Variants in RAI14 observed in about 807,000 individuals in gnomAD.
The protein encoded by RAI14 is ankycorbin.
In RAI14, 45 loss-of-function variants were observed where a neutral mutation model predicts 115.4. That is an observed-to-expected ratio of 0.39 (90% CI 0.31 to 0.50). RAI14 has a LOEUF of 0.50. Among genes scored for constraint, RAI14 ranks in the 20% least tolerant of loss-of-function variants. The probability of loss-of-function intolerance (pLI) is 0.85; values close to 1 mark genes in which losing one functional copy is unlikely to be tolerated. For missense variants in RAI14, 939 were observed against 1,131.2 expected (o/e 0.83, Z 2.44); for synonymous variants, 371 against 415.4 (o/e 0.89, Z 1.30).
At chr5:34,660,645 G>A (rs967430917) in intron 1 of RAI14, among the ~76,000 whole-genome samples, 46 of 152,102 alleles carry the variant, frequency 3.0e-4, no homozygotes, top group Non-Finnish European at 2.9e-4. Context: ...GCACATTCCT[G>A]TTCTAAGAGT....
chr5:34,779,164 A>C (rs901491982), intron 3 of RAI14, among the ~76,000 whole-genome samples: 7 of 152,236 alleles, frequency 4.6e-5, no homozygotes, highest in Non-Finnish European at 8.8e-5. Flanking sequence ...CCTTTGAAAA[A>C]ATCAACAGCC....
intron 2 of RAI14, among the ~76,000 whole-genome samples, chr5:34,701,635 A>G (rs372423021): frequency 2.0e-5 from 3 of 152,280 alleles, no homozygotes; most frequent in East Asian, 3.9e-4. Context: ...AAACTGATGT[A>G]TTTCTTAAAT....
At chr5:34,806,493 G>A (rs1045493752) in intron 5 of RAI14, among the ~76,000 whole-genome samples, 2 of 152,164 alleles carry the variant, frequency 1.3e-5, no homozygotes, top group African/African-American at 4.8e-5. Context: ...GTGAGAAGAC[G>A]CTGTCCTAGA....
chr5:34,796,302 A>T (rs180845984), intron 4 of RAI14, among the ~76,000 whole-genome samples: 1 of 152,056 alleles, frequency 6.6e-6, no homozygotes, highest in East Asian at 1.9e-4. Context: ...GGAGGCTGAG[A>T]CATGAGAATC....
intron 3 of RAI14, among the ~76,000 whole-genome samples, chr5:34,782,815 T>C (rs1751828761): frequency 6.6e-6 from 1 of 152,198 alleles, no homozygotes; most frequent in African/African-American, 2.4e-5. Flanking sequence ...ACACACAGAC[T>C]GAGAGGTGCA....
rs1554012471 is a variant in RAI14, at chr5:34,822,250, G to GTATGTA, written c.1113+403_1113+404insGTATAT. ...TTAAATTATATATGTATGTGTGTATGTATATATATATATATATATATATAA... is the reference window on the plus strand; with the variant it reads ...TTAAATTATATATGTATGTGTGTATGTATGTATATATATATATATATATATATATAA... On this transcript the variant is annotated intron_variant, in intron 14 of 17. Transcript: ENST00000265109. Among the ~76,000 whole-genome samples the GTATGTA allele has an allele frequency of 2.5e-3, 332 of 134,724 alleles. 2 individuals carry two copies. Among genetic ancestry groups the GTATGTA allele is most frequent in the Non-Finnish European group, 4.3e-3 (274 of 63,884 alleles). 88.4% of individuals were successfully genotyped at this position (134,724 alleles called of 152,430 possible).
At position 34,680,328 on chromosome 5, in the gene RAI14, A is replaced by G. The variant is rs79305430; in HGVS notation, c.-48-6544A>G. 6.8e-3 allele frequency among the ~76,000 whole-genome samples: 1,030 copies of G among 152,310 alleles called. 24 individuals are homozygous for G. The East Asian group carries it at 0.071, about 10-fold the overall frequency. On this transcript the variant is annotated intron_variant, in intron 1 of 17. Transcript: ENST00000265109. ...TCTGGAGTTTGGGAAGCCCAAGGAC[A>G]TGGTGCTGGTCCCTAGCAAGGGACA...
chr5:34,795,901 A>G (rs1753465667), intron 3 of RAI14, 38 bp from the exon 4 acceptor site: 10 of 1,533,966 alleles, frequency 6.5e-6, no homozygotes, highest in Non-Finnish European at 9.0e-6. Flanking sequence ...ATTAAAGAGT[A>G]GAAATCTCAA....
chr5:34,675,676 A>G (rs1291241340), intron 1 of RAI14, among the ~76,000 whole-genome samples: 1 of 152,020 alleles, frequency 6.6e-6, no homozygotes, highest in Admixed American at 6.6e-5. Flanking sequence ...ACTTGAGCCC[A>G]GGAGTTTGAG....
chr5:34,828,140 T>C (rs913150142), intron 16 of RAI14, among the ~76,000 whole-genome samples: 1 of 152,096 alleles, frequency 6.6e-6, no homozygotes, highest in Non-Finnish European at 1.5e-5. Context: ...TAGATAGGTA[T>C]CTGGTGGGGC....
chr5:34,683,789 G>A (rs1268022484), intron 1 of RAI14, among the ~76,000 whole-genome samples: 1 of 151,528 alleles, frequency 6.6e-6, no homozygotes, highest in Non-Finnish European at 1.5e-5. Flanking sequence ...GTGCAGTGGC[G>A]CGATATCGGC....
chr5:34,701,472 A>G (rs1465622270), intron 2 of RAI14, among the ~76,000 whole-genome samples: 1 of 152,234 alleles, frequency 6.6e-6, no homozygotes, highest in Non-Finnish European at 1.5e-5. Context: ...AGACTTCAAA[A>G]GAACTTTGGT....
At chr5:34,730,645 C>T (rs970583654) in intron 2 of RAI14, among the ~76,000 whole-genome samples, 6 of 151,964 alleles carry the variant, frequency 3.9e-5, no homozygotes, top group Non-Finnish European at 7.4e-5. Context: ...CACTGCACTC[C>T]AGCTTGGGAG....
intron 4 of RAI14, among the ~76,000 whole-genome samples, chr5:34,799,930 G>A (rs527384673): frequency 1.5e-3 from 224 of 152,016 alleles, no homozygotes; most frequent in African/African-American, 5.2e-3. Flanking sequence ...CTCGTGATCC[G>A]CCTGCCTCGG....
intron 1 of RAI14, among the ~76,000 whole-genome samples, chr5:34,683,329 A>C (rs1231420364): frequency 6.6e-6 from 1 of 152,080 alleles, no homozygotes. Context: ...CTAGGAAGAC[A>C]CTCAGTTTGG....
At chr5:34,717,062 G>C (rs1214547711) in intron 2 of RAI14, among the ~76,000 whole-genome samples, 2 of 152,174 alleles carry the variant, frequency 1.3e-5, no homozygotes, top group Non-Finnish European at 2.9e-5. Flanking sequence ...TATATATTCA[G>C]CATTATGTAT....
intron 3 of RAI14, among the ~76,000 whole-genome samples, chr5:34,776,728 G>A (rs1750883936): frequency 6.6e-6 from 1 of 150,738 alleles, no homozygotes; most frequent in African/African-American, 2.4e-5. Flanking sequence ...AATCGCTTGA[G>A]CCAGGGAGAT....
chr5:34,726,430 A>G (rs12187352), intron 2 of RAI14, among the ~76,000 whole-genome samples: 34,804 of 152,004 alleles, frequency 0.23, 4,051 homozygotes, highest in African/African-American at 0.28. Flanking sequence ...CACACTTTCA[A>G]ACAACCAGAC....
chr5:34,756,067 A>G (rs1282441345), intron 2 of RAI14, among the ~76,000 whole-genome samples: 1 of 152,178 alleles, frequency 6.6e-6, no homozygotes, highest in African/African-American at 2.4e-5. Flanking sequence ...AAAACTGGGA[A>G]TGGTTCAGTC....
Sources: gnomAD v4.1 joint callset for allele counts (sites outside exome capture counted in the v4.1 genomes callset) on GRCh38, gnomAD v4.1.1 for gene constraint, MANE v1.5 for transcripts, NCBI Gene and HGNC (gene_info 2026-07-23, HGNC 2026-07-21) for gene names.